The following AKAP8L variants were observed in gnomAD, a reference collection of about 807,000 sequenced individuals.
The protein encoded by AKAP8L is A-kinase anchor protein 8-like.
AKAP8L carries 34 observed loss-of-function variants against 77.5 expected under a neutral mutation model. The observed-to-expected ratio is 0.44, with a 90% CI of 0.33 to 0.58. AKAP8L has a LOEUF of 0.58. AKAP8L is among the 20% of genes least tolerant of loss of function. The pLI, the probability that AKAP8L is intolerant of heterozygous loss-of-function variation, is 0.02. For missense variants in AKAP8L, 806 were observed against 887.6 expected (o/e 0.91, Z 1.17); for synonymous variants, 342 against 340.7 (o/e 1.00, Z -0.04).
Position 15,397,502 on chromosome 19 carries a change from G to A in AKAP8L, c.1405+18C>T. On this transcript the variant is annotated intron_variant, in intron 11 of 13. Transcript: ENST00000397410. The surrounding 1 kb of genome is among the most constrained non-coding windows in gnomAD (Gnocchi z 4.7). ...GCTGAGGCCTTGCCTGGTGGGAGTG[G>A]GCTGAAAATCTCCTCACCCTGGGTC... 6.2e-7 allele frequency: 1 copy of A among 1,602,152 alleles called. No individual in the cohort carries two copies. Among genetic ancestry groups the A allele is most frequent in the Non-Finnish European group, 8.5e-7 (1 of 1,170,682 alleles).
At chr19:15,405,350 A>G (rs922959194) in intron 2 of AKAP8L, among the ~76,000 whole-genome samples, 2 of 152,156 alleles carry the variant, frequency 1.3e-5, no homozygotes, top group Non-Finnish European at 2.9e-5. Flanking sequence ...CCTGGCCAAC[A>G]TGGTGAAACC....
At chr19:15,400,249 C>A in intron 8 of AKAP8L, 46 bp downstream of exon 8, 3 of 1,601,320 alleles carry the variant, frequency 1.9e-6, no homozygotes, top group South Asian at 1.1e-5. Context: ...CCACTGTGAG[C>A]CCCTGGAAGA....
intron 2 of AKAP8L, among the ~76,000 whole-genome samples, chr19:15,405,492 T>A (rs1007727645): frequency 3.3e-5 from 5 of 151,030 alleles, no homozygotes; most frequent in Admixed American, 1.3e-4. Flanking sequence ...ATCGCGCCAC[T>A]GCACTCCAGC....
intron 12 of AKAP8L, among the ~76,000 whole-genome samples, chr19:15,395,202 T>G (rs1319755006): frequency 2.0e-5 from 3 of 151,714 alleles, no homozygotes; most frequent in Non-Finnish European, 4.4e-5. Flanking sequence ...GCTAATTTTG[T>G]TTTTGTATTT....
chr19:15,393,251 CA>C (rs1967700879), intron 12 of AKAP8L, among the ~76,000 whole-genome samples: 1 of 152,074 alleles, frequency 6.6e-6, no homozygotes, highest in Admixed American at 6.5e-5. Context: ...GAAGAAAACA[CA>C]GGGGTAAATC....
At chr19:15,413,042 C>G in intron 1 of AKAP8L, among the ~76,000 whole-genome samples, 1 of 152,182 alleles carries the variant, frequency 6.6e-6, no homozygotes, top group Non-Finnish European at 1.5e-5. Context: ...GACAGTGTCT[C>G]TATTTTATCT....
intron 2 of AKAP8L, among the ~76,000 whole-genome samples, chr19:15,405,583 T>C (rs1443473223): frequency 6.6e-6 from 1 of 151,430 alleles, no homozygotes; most frequent in Admixed American, 6.6e-5. Flanking sequence ...ACTGTACACC[T>C]GGCCAAGTGA....
In AKAP8L at chr19:15,403,963, A is replaced by G. The variant is rs1358295529; in HGVS notation, c.121+47T>C. ...AGGGCAGTGGCAGAGAAACACAGCCAGGACAACCCCAAGGGACAGGACAGC... is the reference window on the plus strand; with the variant it reads ...AGGGCAGTGGCAGAGAAACACAGCCGGGACAACCCCAAGGGACAGGACAGC... On this transcript the variant is annotated intron_variant, in intron 3 of 13. Transcript: ENST00000397410. This position sits in a 1 kb window ranked among gnomAD's most constrained non-coding sequence, Gnocchi z 4.3. 6.2e-7 allele frequency: 1 copy of G among 1,609,742 alleles called. No individual in the cohort carries two copies.
chr19:15,403,391 G>A lies in AKAP8L; in HGVS notation c.362+84C>T. 2 of 1,310,328 alleles carry A rather than the reference G, an allele frequency of 1.5e-6. No individual in the cohort carries two copies. The highest frequency in any genetic ancestry group is 2.2e-6 in the Non-Finnish European group (2 of 915,176). 81.2% of individuals were successfully genotyped at this position (1,310,328 alleles called of 1,614,324 possible). A position where few individuals can be genotyped will look rare whatever the true frequency, so the allele number is the denominator to read the frequency against. On this transcript the variant is annotated intron_variant, in intron 4 of 13. Coordinates refer to ENST00000397410, the MANE Select transcript of AKAP8L (RefSeq NM_014371.4). The surrounding 1 kb of genome is among the most constrained non-coding windows in gnomAD (Gnocchi z 4.3). ...CAGCGGGGAGGAAGCAGACACAGAG[G>A]GGCACTCAGAGAGGAAAACGCAGTG... is the stretch of plus-strand genomic sequence containing the variant.
At chr19:15,418,845 G>C in intron 1 of AKAP8L, 66 bp downstream of exon 1, 2 of 1,516,112 alleles carry the variant, frequency 1.3e-6, no homozygotes, top group South Asian at 1.1e-5. Context: ...GGCAAGCCTG[G>C]TGCGGCATCC....
chr19:15,406,535 C>T (rs1287594158), intron 2 of AKAP8L, among the ~76,000 whole-genome samples: 1 of 152,034 alleles, frequency 6.6e-6, no homozygotes, highest in Admixed American at 6.6e-5. Context: ...GGTGTGATCA[C>T]AGCTCACTGC....
intron 1 of AKAP8L, among the ~76,000 whole-genome samples, chr19:15,414,332 C>T (rs1968162887): frequency 6.6e-6 from 1 of 152,184 alleles, no homozygotes; most frequent in Non-Finnish European, 1.5e-5. Flanking sequence ...GCTGGGATTA[C>T]AGGCGTGAGC....
chr19:15,380,467 A>C (rs1360122586), intron 13 of AKAP8L, 37 bp from the exon 14 acceptor site: 2 of 1,612,390 alleles, frequency 1.2e-6, no homozygotes, highest in Non-Finnish European at 1.7e-6. Context: ...GGGAGGGAGC[A>C]CAGGCGGGGA....
chr19:15,403,783 G>A lies in AKAP8L; in HGVS notation c.122-68C>T, dbSNP rs1294755248. The A allele has an allele frequency of 7.8e-7, 1 of 1,275,726 alleles. No homozygotes were observed. 79.0% of individuals were successfully genotyped at this position (1,275,726 alleles called of 1,614,324 possible). A position where few individuals can be genotyped will look rare whatever the true frequency, so the allele number is the denominator to read the frequency against. On this transcript the variant is annotated intron_variant, in intron 3 of 13. Coordinates refer to ENST00000397410, the MANE Select transcript of AKAP8L (RefSeq NM_014371.4). This position sits in a 1 kb window ranked among gnomAD's most constrained non-coding sequence, Gnocchi z 4.3. ...CAGAGGGGAGGCAGACAGAGACAGA[G>A]ACAAACACAGATACAAGGGTATCTT...
chr19:15,404,146 T>C lies in AKAP8L; in HGVS notation c.89-104A>G, dbSNP rs1967953962. 2.5e-6 allele frequency: 3 copies of C among 1,209,030 alleles called. No individual in the cohort carries two copies. In the Admixed American group the frequency reaches 5.8e-5, roughly 24 times the overall value. The allele number at this position is 1,209,030 out of a possible 1,614,324, so 74.9% of individuals were successfully genotyped here. On this transcript the variant is annotated intron_variant, in intron 2 of 13. Coordinates refer to ENST00000397410, the MANE Select transcript of AKAP8L (RefSeq NM_014371.4). ...CAGGACCTGACTGGTCAGAGCAGGC[T>C]GCACCTCCCCTAACCGAGAAGCCTT...
At chr19:15,411,869 C>G (rs1287177997) in intron 1 of AKAP8L, among the ~76,000 whole-genome samples, 1 of 152,004 alleles carries the variant, frequency 6.6e-6, no homozygotes, top group African/African-American at 2.4e-5. Context: ...GCCTGGCCAA[C>G]ATGGTGAAAC....
chr19:15,406,124 C>T (rs1161542579), intron 2 of AKAP8L, among the ~76,000 whole-genome samples: 2 of 152,160 alleles, frequency 1.3e-5, no homozygotes, highest in East Asian at 3.9e-4. Flanking sequence ...CAAGCAGGGC[C>T]TCCCACGATG....
chr19:15,399,459 G>T lies in AKAP8L; in HGVS notation c.1049-49C>A. 1 of 1,426,574 alleles carries T rather than the reference G, an allele frequency of 7.0e-7. No homozygotes were observed. 88.4% of individuals were successfully genotyped at this position (1,426,574 alleles called of 1,614,324 possible). A position where few individuals can be genotyped will look rare whatever the true frequency, so the allele number is the denominator to read the frequency against. ...CACCAATTTGGCTCTGCCAGGACAG[G>T]GCAGGCCCTGCGGCCTCTGGCTGAA... On this transcript the variant is annotated intron_variant, in intron 8 of 13. Coordinates refer to ENST00000397410, the MANE Select transcript of AKAP8L (RefSeq NM_014371.4). The surrounding 1 kb of genome is among the most constrained non-coding windows in gnomAD (Gnocchi z 6.1).
rs1242068930 is a variant in AKAP8L, at chr19:15,401,198, C to T, written c.768G>A (p.Met256Ile). 2 of 1,611,780 alleles carry T rather than the reference C, an allele frequency of 1.2e-6. No individual in the cohort carries two copies. Among genetic ancestry groups the T allele is most frequent in the South Asian group, 2.2e-5 (2 of 91,074 alleles). ...TCTTCCAGGTCCGCCTCATCTGCTT[C>T]ATGCCATTGCCAAACCCGAAACCAA... ...SRFGFGFGNGMKQMRRTWKTW... is the reference protein window; with the variant it reads ...SRFGFGFGNGIKQMRRTWKTW... The change falls in exon 5 of 14, where the codon ATG becomes ATA. Residue 256 changes from methionine (M) to isoleucine (I), a missense_variant. Met to Ile is a conservative substitution (Grantham distance 10). This residue lies in a region of AKAP8L where 580 missense variants were observed against 694.1 expected (regional missense o/e 0.84). Transcript: ENST00000397410. The surrounding 1 kb of genome is among the most constrained non-coding windows in gnomAD (Gnocchi z 6.2).
Sources: allele counts gnomAD v4.1 joint callset (sites outside exome capture counted in the v4.1 genomes callset), GRCh38; gene constraint gnomAD v4.1.1; regional missense constraint gnomAD v4.1.1; non-coding constraint Gnocchi (gnomAD v3.1); transcripts MANE v1.5; gene names NCBI Gene and HGNC (gene_info 2026-07-23, HGNC 2026-07-21).